The following KATNIP variants were observed in gnomAD, a reference collection of about 807,000 sequenced individuals.
KATNIP encodes the protein katanin-interacting protein.
KATNIP carries 126 observed loss-of-function variants against 174.0 expected under a neutral mutation model. That is an observed-to-expected ratio of 0.72 (90% CI 0.63 to 0.84). The LOEUF is 0.84. Ranked by LOEUF, KATNIP falls within the 40% of genes least tolerant of loss-of-function variation. KATNIP has a pLI of 0.00. For missense variants in KATNIP, 1,958 were observed against 2,109.7 expected (o/e 0.93, Z 1.41); for synonymous variants, 810 against 835.7 (o/e 0.97, Z 0.53).
intron 1 of KATNIP, among the ~76,000 whole-genome samples, chr16:27,553,632 TAGTG>T (rs2089485950): frequency 6.6e-6 from 1 of 152,002 alleles, no homozygotes; most frequent in African/African-American, 2.4e-5. Context: ...TTCGTCAACA[TAGTG>T]AGACTCCATC....
In KATNIP at chr16:27,713,807, T is replaced by TATATAC. The variant is rs1567336731; in HGVS notation, c.1605+4888_1605+4889insTATACA. On this transcript the variant is annotated intron_variant, in intron 13 of 27. Transcript: ENST00000261588. ...TTATATATGTGTGTGTGTGTGTATA[T>TATATAC]ACATATATATATATATATATATATA... is the stretch of plus-strand genomic sequence containing the variant. Among the ~76,000 whole-genome samples, 28 of 47,130 alleles carry TATATAC rather than the reference T, an allele frequency of 5.9e-4. 2 individuals carry two copies. Among genetic ancestry groups the TATATAC allele is most frequent in the African/African-American group, 7.9e-4 (8 of 10,184 alleles). 30.9% of individuals were successfully genotyped at this position (47,130 alleles called of 152,430 possible).
At chr16:27,712,887 C>G (rs2079640966) in intron 13 of KATNIP, among the ~76,000 whole-genome samples, 1 of 152,260 alleles carries the variant, frequency 6.6e-6, no homozygotes, top group Non-Finnish European at 1.5e-5. Context: ...TTCACTGCAG[C>G]CTCGACCTCC....
chr16:27,706,445 A>T (rs755718732), intron 12 of KATNIP, among the ~76,000 whole-genome samples: 6 of 152,156 alleles, frequency 3.9e-5, no homozygotes, highest in Non-Finnish European at 7.4e-5. Context: ...TTTATGGCTG[A>T]GAAAAGAGAC....
intron 2 of KATNIP, among the ~76,000 whole-genome samples, chr16:27,616,562 A>G (rs2076042540): frequency 6.6e-6 from 1 of 151,420 alleles, no homozygotes; most frequent in Non-Finnish European, 1.5e-5. Flanking sequence ...CCCTGTGTCT[A>G]CTAAAAATAC....
chr16:27,697,099 T>C (rs1267314774), intron 8 of KATNIP, among the ~76,000 whole-genome samples: 1 of 152,224 alleles, frequency 6.6e-6, no homozygotes, highest in African/African-American at 2.4e-5. Context: ...CTATTGTGAA[T>C]AGTGCTAGAT....
At chr16:27,591,114 C>T (rs1041833338) in intron 2 of KATNIP, among the ~76,000 whole-genome samples, 2 of 152,126 alleles carry the variant, frequency 1.3e-5, no homozygotes, top group East Asian at 1.9e-4. Context: ...TCTAAAAATA[C>T]ACTGAGAACC....
At chr16:27,659,759 A>G (rs1181315187) in intron 6 of KATNIP, among the ~76,000 whole-genome samples, 1 of 152,186 alleles carries the variant, frequency 6.6e-6, no homozygotes, top group Non-Finnish European at 1.5e-5. Flanking sequence ...ATAAGGATAG[A>G]AATACACTGA....
At chr16:27,734,488 C>T (rs1361679418) in intron 14 of KATNIP, among the ~76,000 whole-genome samples, 2 of 151,250 alleles carry the variant, frequency 1.3e-5, no homozygotes, top group Non-Finnish European at 1.5e-5. Context: ...CACCTGAGGT[C>T]AGGAGTTTGA....
chr16:27,756,483 AC>A (rs1259856591), intron 18 of KATNIP, among the ~76,000 whole-genome samples: 1 of 152,206 alleles, frequency 6.6e-6, no homozygotes, highest in African/African-American at 2.4e-5. Flanking sequence ...CTAAGGTCAC[AC>A]GGCCAGTACG....
intron 7 of KATNIP, 32 bp downstream of exon 7, chr16:27,678,028 C>A: frequency 6.2e-7 from 1 of 1,602,504 alleles, no homozygotes; most frequent in South Asian, 1.1e-5. Context: ...ATTTCTTTGC[C>A]ATTGGTGTCT....
chr16:27,777,052 TTTTGA>T lies in KATNIP; in HGVS notation c.4551+24_4551+28del. 6.8e-7 allele frequency: 1 copy of T among 1,467,622 alleles called. No homozygotes were observed. The allele number at this position is 1,467,622 out of a possible 1,614,324, so 90.9% of individuals were successfully genotyped here. On this transcript the variant is annotated intron_variant, in intron 25 of 27. Transcript: ENST00000261588. This position sits in a 1 kb window ranked among gnomAD's most constrained non-coding sequence, Gnocchi z 4.4. ...GGCGTAAGTACTTATTAGCTGAGTTTTTTGAGATAATTATGCTCGTTGGTAATTAG... is the reference window on the plus strand; with the variant it reads ...GGCGTAAGTACTTATTAGCTGAGTTTGATAATTATGCTCGTTGGTAATTAG...
chr16:27,676,671 C>CTA (rs2078128025), intron 6 of KATNIP, among the ~76,000 whole-genome samples: 1 of 151,988 alleles, frequency 6.6e-6, no homozygotes, highest in African/African-American at 2.4e-5. Context: ...ACAGTCCCAT[C>CTA]TATATATATG....
Position 27,677,815 on chromosome 16 carries a change from A to G in KATNIP, c.627A>G (p.Glu209=), listed in dbSNP as rs1435376249. The G allele has an allele frequency of 6.2e-7, 1 of 1,614,114 alleles. No homozygotes were observed. Among genetic ancestry groups the G allele is most frequent in the East Asian group, 2.2e-5 (1 of 44,894 alleles). ...GCGATGAGTATGACTCTATTGAGGA[A>G]GACATACTCTCTGAGCCTGAGCCAG... ...CSSDEYDSIE[E]DILSEPEPED... is the part of the protein sequence containing the mutation. The change falls in exon 7 of 28, where the codon GAA becomes GAG. Residue 209 remains glutamate (E), a synonymous_variant. Transcript: ENST00000261588.
intron 12 of KATNIP, among the ~76,000 whole-genome samples, chr16:27,704,661 C>T (rs568080728): frequency 1.3e-5 from 2 of 152,106 alleles, no homozygotes; most frequent in Admixed American, 6.5e-5. Context: ...TACATCAGCA[C>T]GATGCAGTAG....
intron 6 of KATNIP, among the ~76,000 whole-genome samples, chr16:27,670,904 G>A (rs776778018): frequency 6.6e-6 from 1 of 152,108 alleles, no homozygotes; most frequent in Non-Finnish European, 1.5e-5. Flanking sequence ...TTAATAGTTG[G>A]GTGCTGGCCG....
intron 8 of KATNIP, among the ~76,000 whole-genome samples, chr16:27,689,147 A>G (rs1047196082): frequency 2.6e-5 from 4 of 152,238 alleles, no homozygotes; most frequent in African/African-American, 9.6e-5. Flanking sequence ...CAGGCGTAGT[A>G]GATCATGCCT....
intron 12 of KATNIP, 128 bp downstream of exon 12, chr16:27,704,126 C>CG: frequency 1.4e-6 from 1 of 698,258 alleles, no homozygotes. Context: ...TCCACCGCCC[C>CG]CCCCCTCCCT....
At position 27,780,079 on chromosome 16, in the gene KATNIP, G is replaced by A. The variant is rs1232413552; in HGVS notation, c.*1450G>A. ...CAGATGTGACGAGCACCTCCCGCCA[G>A]GGGGAGTCAGGGGTTGATCAAACCA... On this transcript the variant is annotated 3_prime_UTR_variant, in exon 28 of 28. Coordinates refer to ENST00000261588, the MANE Select transcript of KATNIP (RefSeq NM_015202.5). 6.6e-6 allele frequency: 1 copy of A among 152,108 alleles called. No homozygotes were observed. Among genetic ancestry groups the A allele is most frequent in the South Asian group, 2.1e-4 (1 of 4,816 alleles). 9.4% of individuals were successfully genotyped at this position (152,108 alleles called of 1,614,324 possible).
At chr16:27,773,022 CTCTTA>C in intron 22 of KATNIP, 72 bp from the exon 23 acceptor site, 1 of 796,508 alleles carries the variant, frequency 1.3e-6, no homozygotes. Context: ...AAAACAATTC[CTCTTA>C]TCTTTGCCAT....
Sources: gnomAD v4.1 joint callset for allele counts (sites outside exome capture counted in the v4.1 genomes callset) on GRCh38, gnomAD v4.1.1 for gene constraint, Gnocchi (gnomAD v3.1) non-coding constraint, MANE v1.5 for transcripts, NCBI Gene and HGNC (gene_info 2026-07-23, HGNC 2026-07-21) for gene names.